The following TNRC6B variants were observed in gnomAD, a reference collection of about 807,000 sequenced individuals.
TNRC6B encodes the protein trinucleotide repeat-containing gene 6B protein.
In TNRC6B, 52 loss-of-function variants were observed where a neutral mutation model predicts 203.6. That is an observed-to-expected ratio of 0.26 (90% CI 0.20 to 0.32). The LOEUF (loss-of-function observed/expected upper bound fraction) is 0.32. Among genes scored for constraint, TNRC6B ranks in the 10% least tolerant of loss-of-function variants. The pLI is 1.00. For synonymous variants in TNRC6B, 838 were observed against 845.7 expected, an observed-to-expected ratio of 0.99 and a Z score of 0.16; for missense variants, 1,923 against 2,286.2, an observed-to-expected ratio of 0.84 and a Z score of 3.24.
At chr22:40,281,881 G>C (rs1016184160) in intron 11 of TNRC6B, among the ~76,000 whole-genome samples, 4 of 152,202 alleles carry the variant, frequency 2.6e-5, no homozygotes, top group Non-Finnish European at 5.9e-5. Context: ...CAACCCTCCA[G>C]GGAAGGGCTG....
chr22:40,322,591 A>G (rs1191009450), intron 22 of TNRC6B, among the ~76,000 whole-genome samples: 1 of 152,204 alleles, frequency 6.6e-6, no homozygotes, highest in Non-Finnish European at 1.5e-5. Context: ...ATTCTCTAGT[A>G]GTCCTTGGTT....
At chr22:40,202,259 T>C (rs1601879904) in intron 1 of TNRC6B, among the ~76,000 whole-genome samples, 1 of 147,086 alleles carries the variant, frequency 6.8e-6, no homozygotes, top group Non-Finnish European at 1.5e-5. Context: ...GTTGTTTTTT[T>C]GTTTTTTTTT....
intron 1 of TNRC6B, among the ~76,000 whole-genome samples, chr22:40,076,290 A>G (rs542579507): frequency 1.3e-5 from 2 of 152,164 alleles, no homozygotes; most frequent in Admixed American, 6.5e-5. Context: ...GGCAGCATAC[A>G]TCTGTAGTTC....
chr22:40,318,660 C>G (rs28633716), intron 21 of TNRC6B, among the ~76,000 whole-genome samples: 2 of 152,014 alleles, frequency 1.3e-5, no homozygotes, highest in Non-Finnish European at 2.9e-5. Context: ...CTCCTATTTT[C>G]TAAGAGTTGT....
intron 1 of TNRC6B, among the ~76,000 whole-genome samples, chr22:40,202,766 A>G (rs1414356503): frequency 2.0e-5 from 3 of 152,102 alleles, no homozygotes; most frequent in Admixed American, 2.0e-4. Context: ...CCAGGAGTAG[A>G]CTGCGTGGAG....
chr22:40,210,547 C>A (rs1317412743), intron 1 of TNRC6B, among the ~76,000 whole-genome samples: 1 of 152,136 alleles, frequency 6.6e-6, no homozygotes, highest in East Asian at 1.9e-4. Context: ...AAATTATTTT[C>A]TTTACCATTT....
intron 1 of TNRC6B, among the ~76,000 whole-genome samples, chr22:40,110,462 A>C (rs1601820536): frequency 6.6e-6 from 1 of 152,174 alleles, no homozygotes; most frequent in East Asian, 1.9e-4. Context: ...TGAATTCCCT[A>C]CCATCCCTGC....
At chr22:40,096,942 C>T (rs1327273990) in intron 1 of TNRC6B, among the ~76,000 whole-genome samples, 1 of 152,192 alleles carries the variant, frequency 6.6e-6, no homozygotes, top group African/African-American at 2.4e-5. Flanking sequence ...TTGCAAATGA[C>T]ACAAAAGGTT....
chr22:40,235,390 C>T (rs1205946858), intron 1 of TNRC6B, among the ~76,000 whole-genome samples: 1 of 152,166 alleles, frequency 6.6e-6, no homozygotes, highest in Non-Finnish European at 1.5e-5. Flanking sequence ...TCTTTTCCTG[C>T]ACATTCAGGA....
intron 1 of TNRC6B, among the ~76,000 whole-genome samples, chr22:40,218,324 C>CTTTTT (rs71199275): frequency 6.5e-3 from 635 of 97,354 alleles, no homozygotes; most frequent in Middle Eastern, 0.015. Context: ...TTTTTCTTTT[C>CTTTTT]TTTTTTTTTT....
chr22:40,065,333 G>A (rs1391237997), intron 1 of TNRC6B, among the ~76,000 whole-genome samples: 1 of 151,608 alleles, frequency 6.6e-6, no homozygotes. Flanking sequence ...TTTTGTGGAG[G>A]TAGGGTTTTG....
intron 1 of TNRC6B, among the ~76,000 whole-genome samples, chr22:40,187,197 A>G (rs1214907678): frequency 1.3e-5 from 2 of 152,244 alleles, no homozygotes; most frequent in African/African-American, 4.8e-5. Flanking sequence ...GAAGTAAAAT[A>G]GGCTACTGTA....
At chr22:40,123,706 G>A (rs2068464021) in intron 2 of TNRC6B, among the ~76,000 whole-genome samples, 2 of 152,094 alleles carry the variant, frequency 1.3e-5, no homozygotes, top group Non-Finnish European at 2.9e-5. Flanking sequence ...GAGTTTTTCT[G>A]GTTCAGCTAT....
intron 11 of TNRC6B, among the ~76,000 whole-genome samples, chr22:40,282,413 C>T (rs1277048482): frequency 6.6e-6 from 1 of 152,100 alleles, no homozygotes. Context: ...CATCATTTTC[C>T]TTACTGCTTC....
intron 1 of TNRC6B, among the ~76,000 whole-genome samples, chr22:40,206,355 A>C (rs901351019): frequency 1.3e-5 from 2 of 152,180 alleles, no homozygotes; most frequent in Non-Finnish European, 2.9e-5. Context: ...TTATAGTACC[A>C]AGAGAAAATA....
intron 1 of TNRC6B, among the ~76,000 whole-genome samples, chr22:40,075,150 ATATATATTTTTTTT>A (rs1403658981): frequency 3.6e-4 from 25 of 69,334 alleles, no homozygotes; most frequent in African/African-American, 2.6e-3. Flanking sequence ...ATATATATAT[ATATATATTTTTTTT>A]TTTTTTTTTT....
intron 1 of TNRC6B, among the ~76,000 whole-genome samples, chr22:40,226,255 A>C (rs1007958101): frequency 1.3e-5 from 2 of 152,224 alleles, no homozygotes; most frequent in African/African-American, 2.4e-5. Flanking sequence ...AATTAAGAGC[A>C]TTGAGAAGTA....
rs757814060 is a variant in TNRC6B, at chr22:40,295,548, A to G, written c.3709-4907A>G. ...AGAATGTAGCAGAGATGGTGGTTCA[A>G]AAGTATTAGGAAACTGAGGAATTTA... On this transcript the variant is annotated intron_variant, in intron 12 of 22. Transcript: ENST00000454349. 2.0e-5 allele frequency among the ~76,000 whole-genome samples: 3 copies of G among 152,272 alleles called. No individual in the cohort carries two copies. In the East Asian group the frequency reaches 5.8e-4, roughly 29 times the overall value.
At chr22:40,186,324 G>A (rs945788009) in intron 1 of TNRC6B, among the ~76,000 whole-genome samples, 1 of 152,114 alleles carries the variant, frequency 6.6e-6, no homozygotes, top group Admixed American at 6.5e-5. Flanking sequence ...CAACATTCCC[G>A]AACCTGGTGT....
Sources: gnomAD v4.1 joint callset for allele counts (sites outside exome capture counted in the v4.1 genomes callset) on GRCh38, gnomAD v4.1.1 for gene constraint, MANE v1.5 for transcripts, NCBI Gene and HGNC (gene_info 2026-07-23, HGNC 2026-07-21) for gene names.